CCDC15: variants seen among roughly 807,000 people sequenced by gnomAD.
CCDC15 encodes the protein coiled-coil domain containing 15.
A neutral mutation model predicts 114.5 loss-of-function variants in CCDC15; 105 were observed. The ratio of observed to expected loss-of-function variants is 0.92; its 90% CI spans 0.78 to 1.08. The LOEUF (loss-of-function observed/expected upper bound fraction) is 1.08. Among genes scored for constraint, CCDC15 ranks in the 50% least tolerant of loss-of-function variants. The pLI is 0.00. For missense variants in CCDC15, 1,105 were observed against 1,093.6 expected, an observed-to-expected ratio of 1.01 and a Z score of -0.15; for synonymous variants, 334 against 377.8, an observed-to-expected ratio of 0.88 and a Z score of 1.34.
intron 13 of CCDC15, among the ~76,000 whole-genome samples, chr11:125,005,482 C>T (rs890229415): frequency 1.1e-4 from 16 of 152,050 alleles, no homozygotes; most frequent in Admixed American, 6.6e-4. Flanking sequence ...CCCACAAATG[C>T]GTAGCCTCTC....
In CCDC15 at chr11:125,039,062, C is replaced by T; in HGVS notation, c.2727C>T (p.Asn909=). 2 of 1,589,796 alleles carry T rather than the reference C, an allele frequency of 1.3e-6. No homozygotes were observed. Among genetic ancestry groups the T allele is most frequent in the African/African-American group, 1.3e-5 (1 of 74,316 alleles). The change falls in exon 15 of 16, where the codon AAC becomes AAT. Residue 909 remains asparagine (N), a synonymous_variant. Transcript: ENST00000344762. ...CCAACAACTGTATTTTCTATAAAAA[C>T]CACAGAGGTAAGTTTCTTGAAGGAA... ...TCANNCIFYK[N]HRAYTRALHS... is the part of the protein sequence containing the mutation.
chr11:124,982,270 G>A (rs1047949440), intron 6 of CCDC15, among the ~76,000 whole-genome samples: 8 of 151,996 alleles, frequency 5.3e-5, no homozygotes, highest in African/African-American at 1.9e-4. Flanking sequence ...CTTTTAATGG[G>A]GCATTTAGTA....
chr11:124,976,224 AAT>A (rs1268865446), intron 5 of CCDC15, among the ~76,000 whole-genome samples: 1 of 148,906 alleles, frequency 6.7e-6, no homozygotes, highest in East Asian at 1.9e-4. Context: ...TAATATATAT[AAT>A]ATATAAATAT....
Position 125,041,116 on chromosome 11 carries a change from A to C in CCDC15, c.*405A>C, listed in dbSNP as rs893745212. ...AAGAAAGTGATGAAATGTGTTTCTG[A>C]GCATCAGAGACCATCTATATTGCCA... On this transcript the variant is annotated 3_prime_UTR_variant, in exon 16 of 16. Coordinates refer to ENST00000344762, the MANE Select transcript of CCDC15 (RefSeq NM_025004.3). 1.3e-5 allele frequency: 2 copies of C among 155,444 alleles called. No homozygotes were observed. The highest frequency in any genetic ancestry group is 4.8e-5 in the African/African-American group (2 of 41,566). The allele number at this position is 155,444 out of a possible 1,614,324, so 9.6% of individuals were successfully genotyped here.
intron 11 of CCDC15, among the ~76,000 whole-genome samples, chr11:125,001,528 C>T (rs1948482323): frequency 6.6e-6 from 1 of 152,160 alleles, no homozygotes; most frequent in African/African-American, 2.4e-5. Context: ...TTCATCACCC[C>T]CCAAAAGTCC....
rs766910902 is a variant in CCDC15 at position 124,992,662 on chromosome 11, A to G, written c.2114A>G (p.Gln705Arg). ...CATCAATATGTTGTACCTAAAATCC[A>G]GGACCAAGACTCCCCTAGAGAACAG... is the stretch of plus-strand genomic sequence containing the variant. ...DYHQYVVPKIQDQDSPREQNK... is the reference protein window; with the variant it reads ...DYHQYVVPKIRDQDSPREQNK... The change falls in exon 10 of 16, where the codon CAG becomes CGG. Residue 705 changes from glutamine to arginine, a missense_variant. By Grantham distance (43) the Gln-to-Arg change is conservative. Transcript: ENST00000344762. 1 of 1,590,954 alleles carries G rather than the reference A, an allele frequency of 6.3e-7. No individual in the cohort carries two copies. Among genetic ancestry groups the G allele is most frequent in the Non-Finnish European group, 8.6e-7 (1 of 1,166,624 alleles).
rs934102719 is a variant in CCDC15 at position 124,954,854 on chromosome 11, C to G, written c.122C>G (p.Pro41Arg). ...VLAERNEAIV[P>R]VGAWVEPASP... is the part of the protein sequence containing the mutation. ...GCTGAGAGGAACGAGGCTATAGTAC[C>G]AGTTGGGGCATGGGTGGAACCTGCC... Residue 41 changes from proline to arginine, a missense_variant, in exon 2 of 16, where the codon CCA becomes CGA. Coordinates refer to ENST00000344762, the MANE Select transcript of CCDC15 (RefSeq NM_025004.3). 1 of 1,613,884 alleles carries G rather than the reference C, an allele frequency of 6.2e-7. No homozygotes were observed. Among genetic ancestry groups the G allele is most frequent in the African/African-American group, 1.3e-5 (1 of 74,928 alleles).
intron 13 of CCDC15, among the ~76,000 whole-genome samples, chr11:125,032,637 T>C (rs1245528186): frequency 1.3e-5 from 2 of 152,224 alleles, no homozygotes; most frequent in African/African-American, 4.8e-5. Context: ...TTTTTCTAGG[T>C]AGAGGCAGCT....
chr11:125,003,950 TAAGA>T lies in CCDC15; in HGVS notation c.2303_2306del (p.Lys768SerfsTer7). 1 of 1,523,656 alleles carries T rather than the reference TAAGA, an allele frequency of 6.6e-7. No homozygotes were observed. Among genetic ancestry groups the T allele is most frequent in the Non-Finnish European group, 8.8e-7 (1 of 1,136,732 alleles). The allele number at this position is 1,523,656 out of a possible 1,614,324, so 94.4% of individuals were successfully genotyped here. ...AGTCTGACGTGGATAAAGAAGAAGA[TAAGA>T]AAGAGGTATGTAATGATACTGCTTT... On this transcript the variant is annotated frameshift_variant, in exon 12 of 16. Coordinates refer to ENST00000344762, the MANE Select transcript of CCDC15 (RefSeq NM_025004.3). LOFTEE classifies it high-confidence loss of function.
intron 13 of CCDC15, among the ~76,000 whole-genome samples, chr11:125,021,811 A>T (rs574402725): frequency 6.6e-6 from 1 of 152,006 alleles, no homozygotes; most frequent in Admixed American, 6.6e-5. Flanking sequence ...CCCTTAGCTG[A>T]CTGGTCTAGA....
intron 6 of CCDC15, among the ~76,000 whole-genome samples, chr11:124,980,708 G>T (rs888931283): frequency 2.6e-5 from 4 of 152,086 alleles, no homozygotes; most frequent in Non-Finnish European, 4.4e-5. Context: ...TCTTTCAAAA[G>T]ACCAGTTCCT....
intron 11 of CCDC15, among the ~76,000 whole-genome samples, chr11:125,001,648 C>T (rs1372734575): frequency 1.3e-5 from 2 of 152,148 alleles, no homozygotes; most frequent in Non-Finnish European, 2.9e-5. Flanking sequence ...TAAAGGAGAC[C>T]ATGAAAGATG....
At position 124,993,201 on chromosome 11, in the gene CCDC15, G is replaced by T. The variant is rs189678236; in HGVS notation, c.2172G>T (p.Glu724Asp). 3.8e-4 allele frequency: 606 copies of T among 1,607,744 alleles called. 1 individual carries two copies. Among genetic ancestry groups the T allele is most frequent in the South Asian group, 1.1e-3 (99 of 90,200 alleles). Residue 724 changes from glutamate to aspartate, a missense_variant, in exon 11 of 16, where the codon GAG becomes GAT. By Grantham distance (45) the Glu-to-Asp change is conservative (BLOSUM62 2). Coordinates refer to ENST00000344762, the MANE Select transcript of CCDC15 (RefSeq NM_025004.3). ...NKHIKLPSSF[E>D]KWEIARGNTP... ...ATATCAAACTACCCTCATCTTTTGA[G>T]AAATGGGAGATTGCAAGAGGAAATA...
At chr11:125,039,311 G>A in intron 15 of CCDC15, 1 of 391,562 alleles carries the variant, frequency 2.6e-6, no homozygotes, top group Middle Eastern at 6.8e-4. Flanking sequence ...TTCTACTGTA[G>A]GAGGTCTTGA....
At chr11:124,955,011 G>T in intron 2 of CCDC15, 102 bp downstream of exon 2, 1 of 1,025,662 alleles carries the variant, frequency 9.7e-7, no homozygotes, top group Non-Finnish European at 1.4e-6. Context: ...CGAGGATGCT[G>T]TTTCTATTCT....
chr11:124,985,067 A>G (rs1409509990), intron 6 of CCDC15, among the ~76,000 whole-genome samples: 1 of 152,198 alleles, frequency 6.6e-6, no homozygotes, highest in Non-Finnish European at 1.5e-5. Context: ...GTATAGGTTT[A>G]CCTATACTGG....
chr11:125,024,599 T>G (rs1188573200), intron 13 of CCDC15, among the ~76,000 whole-genome samples: 1 of 152,130 alleles, frequency 6.6e-6, no homozygotes, highest in Non-Finnish European at 1.5e-5. Context: ...AAATTCCTGT[T>G]TCTGATTCTT....
chr11:124,991,390 G>A lies in CCDC15; in HGVS notation c.1909-71G>A, dbSNP rs148628551. 1.3e-4 allele frequency: 136 copies of A among 1,082,872 alleles called. 2 individuals are homozygous for A. In the East Asian group the frequency reaches 3.6e-3, roughly 28 times the overall value. The allele number at this position is 1,082,872 out of a possible 1,614,324, so 67.1% of individuals were successfully genotyped here. ...AAACTACCCTTTGGCCTTCAATGAA[G>A]CCTAGAATATTATTGCCATCATATT... is the stretch of plus-strand genomic sequence containing the variant. On this transcript the variant is annotated intron_variant, in intron 8 of 15. Coordinates refer to ENST00000344762, the MANE Select transcript of CCDC15 (RefSeq NM_025004.3).
intron 13 of CCDC15, among the ~76,000 whole-genome samples, chr11:125,032,259 G>A (rs186978257): frequency 2.6e-4 from 40 of 152,348 alleles, no homozygotes; most frequent in African/African-American, 9.6e-4. Context: ...CCCTGAGGTA[G>A]GACAGTAAAG....
Sources: gnomAD v4.1 joint callset for allele counts (sites outside exome capture counted in the v4.1 genomes callset) on GRCh38, gnomAD v4.1.1 for gene constraint, MANE v1.5 for transcripts, NCBI Gene and HGNC (gene_info 2026-07-23, HGNC 2026-07-21) for gene names.